CRY1: variants seen among roughly 807,000 people sequenced by gnomAD.
CRY1 encodes cryptochrome circadian regulator 1.
CRY1 carries 45 observed loss-of-function variants against 76.0 expected under a neutral mutation model. That is an observed-to-expected ratio of 0.59 (90% CI 0.47 to 0.76). CRY1 has a LOEUF of 0.76. CRY1 is among the 30% of genes least tolerant of loss of function. The pLI is 0.00. For missense variants in CRY1, 587 were observed against 716.4 expected (o/e 0.82, Z 2.06); for synonymous variants, 248 against 244.0 (o/e 1.02, Z -0.15).
At position 107,022,068 on chromosome 12, in the gene CRY1, A is replaced by G; in HGVS notation, c.267+16T>C. ...TCTGAGAAAAGATTGTTTTATGCAA[A>G]TATTTTTCAAATTACCTTGAAAAGC... On this transcript the variant is annotated intron_variant, in intron 2 of 12. Transcript: ENST00000008527. The G allele has an allele frequency of 6.4e-7, 1 of 1,557,958 alleles. No individual in the cohort carries two copies. Among genetic ancestry groups the G allele is most frequent in the Non-Finnish European group, 8.8e-7 (1 of 1,136,376 alleles).
intron 1 of CRY1, among the ~76,000 whole-genome samples, chr12:107,084,177 G>C (rs908142553): frequency 6.6e-6 from 1 of 152,056 alleles, no homozygotes; most frequent in Admixed American, 6.6e-5. Flanking sequence ...AAAGAAATAA[G>C]AGAGGACACA....
At chr12:107,001,397 T>C in intron 4 of CRY1, 29 bp from the exon 5 acceptor site, 1 of 1,558,654 alleles carries the variant, frequency 6.4e-7, no homozygotes, top group African/African-American at 1.4e-5. Flanking sequence ...AAAAACATCA[T>C]TCTTCCGAAA....
intron 1 of CRY1, chr12:107,049,829 T>C (rs1952897859): frequency 2.6e-5 from 4 of 152,222 alleles, no homozygotes; most frequent in Admixed American, 2.0e-4. Flanking sequence ...ATGCCCAGTT[T>C]AACATGTATT....
At chr12:107,046,139 A>G (rs1327279267) in intron 1 of CRY1, among the ~76,000 whole-genome samples, 1 of 151,616 alleles carries the variant, frequency 6.6e-6, no homozygotes, top group East Asian at 1.9e-4. Context: ...AAAAAAAAAA[A>G]AAAATTAGTT....
chr12:107,000,495 A>G (rs1952295414), intron 5 of CRY1, among the ~76,000 whole-genome samples: 1 of 152,072 alleles, frequency 6.6e-6, no homozygotes, highest in East Asian at 1.9e-4. Flanking sequence ...GACTACAGGC[A>G]TGCGCCACCA....
chr12:107,003,941 G>C (rs1465586639), intron 3 of CRY1, among the ~76,000 whole-genome samples: 1 of 150,586 alleles, frequency 6.6e-6, no homozygotes, highest in African/African-American at 2.4e-5. Flanking sequence ...CAAGTAGCTG[G>C]ATTACAGGCA....
rs1952181637 is a variant in CRY1, at chr12:106,991,635, A to C, written c.*367T>G. On this transcript the variant is annotated 3_prime_UTR_variant, in exon 13 of 13. Coordinates refer to ENST00000008527, the MANE Select transcript of CRY1 (RefSeq NM_004075.5). ...CCTAAAATTTTAACGTCTTTTAAGA[A>C]AGTCTAAAAACCTCCTTTTTTCCCA... 1 of 152,644 alleles carries C rather than the reference A, an allele frequency of 6.6e-6. No individual in the cohort carries two copies. The highest frequency in any genetic ancestry group is 2.4e-5 in the African/African-American group (1 of 41,464). The allele number at this position is 152,644 out of a possible 1,614,324, so 9.5% of individuals were successfully genotyped here.
chr12:107,075,730 A>T (rs532286277), intron 1 of CRY1, among the ~76,000 whole-genome samples: 1 of 152,214 alleles, frequency 6.6e-6, no homozygotes. Flanking sequence ...TGGGAAAGGT[A>T]GGCACAAAAA....
chr12:107,055,663 C>A (rs1442581484), intron 1 of CRY1, among the ~76,000 whole-genome samples: 2 of 152,038 alleles, frequency 1.3e-5, no homozygotes, highest in African/African-American at 2.4e-5. Context: ...AACTAACCAA[C>A]CTCTGATGAA....
intron 1 of CRY1, among the ~76,000 whole-genome samples, chr12:107,027,668 T>C (rs1254752578): frequency 6.6e-6 from 1 of 152,200 alleles, no homozygotes; most frequent in Non-Finnish European, 1.5e-5. Context: ...TTAAAAATTA[T>C]ATGCAGTAAG....
rs200325914 is a variant in CRY1 at position 106,999,617 on chromosome 12, G to T, written c.1071C>A (p.Ala357=). The change falls in exon 7 of 13, where the codon GCC becomes GCA. Residue 357 remains alanine (A), a synonymous_variant. Coordinates refer to ENST00000008527, the MANE Select transcript of CRY1 (RefSeq NM_004075.5). ...TCAGGAAGCAAGCAACTGCATGCCT[G>T]GCTAGATGATGAATCCAACCCTCCT... ...LRQEGWIHHL[A]RHAVACFLTR... The T allele has an allele frequency of 2.3e-4, 364 of 1,614,222 alleles. 2 individuals carry two copies. The Admixed American group carries it at 5.9e-3, about 26-fold the overall frequency.
At chr12:106,992,332 C>A (rs142461915) in intron 12 of CRY1, 2 of 152,242 alleles carry the variant, frequency 1.3e-5, no homozygotes, top group African/African-American at 4.8e-5. Context: ...GAACTATTCC[C>A]AAATTGGAAA....
At chr12:107,030,722 A>T (rs1388542387) in intron 1 of CRY1, among the ~76,000 whole-genome samples, 2 of 137,930 alleles carry the variant, frequency 1.5e-5, no homozygotes, top group Non-Finnish European at 3.1e-5. Flanking sequence ...CATGTGGTAA[A>T]TTTTATTATG....
At chr12:107,077,944 G>A (rs992690009) in intron 1 of CRY1, among the ~76,000 whole-genome samples, 1 of 152,076 alleles carries the variant, frequency 6.6e-6, no homozygotes, top group Non-Finnish European at 1.5e-5. Context: ...AACAGATAAA[G>A]TATAATTTTC....
intron 2 of CRY1, among the ~76,000 whole-genome samples, chr12:107,019,961 A>AT (rs1952536274): frequency 6.6e-6 from 1 of 152,138 alleles, no homozygotes; most frequent in Admixed American, 6.5e-5. Context: ...CTTAGGATTC[A>AT]TTTTATTTAT....
chr12:107,041,038 T>C (rs1952793251), intron 1 of CRY1, among the ~76,000 whole-genome samples: 1 of 152,132 alleles, frequency 6.6e-6, no homozygotes, highest in East Asian at 1.9e-4. Context: ...CATGAGCCAC[T>C]GCATCTGCCC....
chr12:107,012,957 A>G (rs1362903238), intron 2 of CRY1, among the ~76,000 whole-genome samples: 1 of 152,232 alleles, frequency 6.6e-6, no homozygotes, highest in Non-Finnish European at 1.5e-5. Context: ...TGAATGGATG[A>G]GGAGCCGCTT....
chr12:106,997,395 C>T lies in CRY1; in HGVS notation c.1493-9G>A. On this transcript the variant is annotated splice_polypyrimidine_tract_variant and intron_variant, in intron 9 of 12. Transcript: ENST00000008527. Reference sequence around the variant, plus strand: ...TACTGATGCCAGAAGACCTAAAGGACAAAAAAATTTTCTTTTAAATTATGA... The same window carrying T: ...TACTGATGCCAGAAGACCTAAAGGATAAAAAAATTTTCTTTTAAATTATGA... 1.2e-6 allele frequency: 2 copies of T among 1,612,150 alleles called. No individual in the cohort carries two copies. Among genetic ancestry groups the T allele is most frequent in the Non-Finnish European group, 1.7e-6 (2 of 1,179,400 alleles).
At chr12:107,079,569 T>C (rs1473478702) in intron 1 of CRY1, among the ~76,000 whole-genome samples, 3 of 152,154 alleles carry the variant, frequency 2.0e-5, no homozygotes, top group Middle Eastern at 3.4e-3. Flanking sequence ...CTAAACAACA[T>C]CTCCTATCTT....
Sources: allele counts gnomAD v4.1 joint callset (sites outside exome capture counted in the v4.1 genomes callset), GRCh38; gene constraint gnomAD v4.1.1; transcripts MANE v1.5; gene names NCBI Gene and HGNC (gene_info 2026-07-23, HGNC 2026-07-21).